The following ADGRF1 variants were observed in gnomAD, a reference collection of about 807,000 sequenced individuals.
The protein encoded by ADGRF1 is adhesion G protein-coupled receptor F1.
Under a neutral mutation model 87.2 loss-of-function variants are expected in ADGRF1, and 85 were observed. The observed-to-expected ratio is 0.97, with a 90% CI of 0.82 to 1.17. The LOEUF is 1.17. Among genes scored for constraint, ADGRF1 ranks in the 50% most tolerant of loss-of-function variants. The pLI, the probability that ADGRF1 is intolerant of heterozygous loss-of-function variation, is 0.00. For synonymous variants in ADGRF1, 430 were observed against 408.8 expected (o/e 1.05, Z -0.63); for missense variants, 1,169 against 1,077.2 (o/e 1.09, Z -1.19).
chr6:47,020,059 A>G (rs1403607359), intron 7 of ADGRF1: 12 of 999,034 alleles, frequency 1.2e-5, no homozygotes, highest in African/African-American at 1.7e-5. Context: ...CCCTTCGACA[A>G]CCCGCAACCC....
chr6:47,007,220 C>G (rs762077414), intron 12 of ADGRF1, 33 bp downstream of exon 12: 7 of 1,440,956 alleles, frequency 4.9e-6, no homozygotes, highest in Non-Finnish European at 6.8e-6. Context: ...GATGTCTAGG[C>G]TAGGGGTTAA....
rs557559127 is a variant in ADGRF1 at position 47,022,812 on chromosome 6, T to C, written c.452-754A>G. On this transcript the variant is annotated intron_variant, in intron 5 of 14. Coordinates refer to ENST00000371253, the MANE Select transcript of ADGRF1 (RefSeq NM_153840.4). Reference sequence around the variant, plus strand: ...TCTTTCTTTTCTTTTTTCTTTTTTTTTTTTTTTTTTTAGTCAGGGTCTCAC... The same window carrying C: ...TCTTTCTTTTCTTTTTTCTTTTTTTCTTTTTTTTTTTAGTCAGGGTCTCAC... Among the ~76,000 whole-genome samples the C allele has an allele frequency of 8.9e-4, 132 of 149,010 alleles. 6 individuals are homozygous for C. The South Asian group carries it at 0.025, about 28-fold the overall frequency.
At chr6:47,003,508 T>C (rs1446539959) in intron 13 of ADGRF1, among the ~76,000 whole-genome samples, 3 of 152,194 alleles carry the variant, frequency 2.0e-5, no homozygotes, top group African/African-American at 7.2e-5. Context: ...ATCTCTTGCA[T>C]CAAAGGGCTT....
chr6:47,007,978 A>G lies in ADGRF1; in HGVS notation c.2491-684T>C, dbSNP rs113716998. On this transcript the variant is annotated intron_variant, in intron 11 of 14. Coordinates refer to ENST00000371253, the MANE Select transcript of ADGRF1 (RefSeq NM_153840.4). ...GAGAACCAACTTTTAGGAAACATCT[A>G]TTGAGCATTTGTTATGTGCCAGACA... is the stretch of plus-strand genomic sequence containing the variant. Among the ~76,000 whole-genome samples the G allele has an allele frequency of 9.0e-3, 1,370 of 152,322 alleles. 21 individuals carry two copies. The highest frequency in any genetic ancestry group is 0.031 in the African/African-American group (1,284 of 41,570).
chr6:47,039,200 A>G (rs577141966), intron 1 of ADGRF1, among the ~76,000 whole-genome samples: 1 of 152,304 alleles, frequency 6.6e-6, no homozygotes, highest in South Asian at 2.1e-4. Flanking sequence ...ACCTCTGGAG[A>G]TTAAAAACTG....
rs539607441 is a variant in ADGRF1 at position 47,007,380 on chromosome 6, C to A, written c.2491-86G>T. The A allele has an allele frequency of 2.1e-5, 16 of 764,476 alleles. No individual in the cohort carries two copies. The African/African-American group carries it at 2.6e-4, about 13-fold the overall frequency. The allele number at this position is 764,476 out of a possible 1,614,324, so 47.4% of individuals were successfully genotyped here. A position where few individuals can be genotyped will look rare whatever the true frequency, so the allele number is the denominator to read the frequency against. ...TTTATATGTAACACTATTCAATCAC[C>A]CCACATTGAAACTGTTTTCTTGTCT... On this transcript the variant is annotated intron_variant, in intron 11 of 14. Transcript: ENST00000371253.
rs1271681219 is a variant in ADGRF1, at chr6:47,009,429, A to C, written c.2006T>G (p.Leu669Arg). 1 of 1,613,896 alleles carries C rather than the reference A, an allele frequency of 6.2e-7. No homozygotes were observed. The highest frequency in any genetic ancestry group is 1.1e-5 in the South Asian group (1 of 91,022). The stretch of plus-strand genomic sequence containing the variant: ...CATGAGCATCCAGAAGAACAAAGAG[A>C]GGTAGAAGAAGTGTGTAAAGAACAC... ...AAVFFTHFFY[L>R]SLFFWMLMLG... The change falls in exon 11 of 15, where the codon CTC becomes CGC. Residue 669 changes from leucine (L) to arginine (R), a missense_variant. Physicochemically the swap from Leu to Arg is moderately radical, Grantham distance 102. Transcript: ENST00000371253.
At chr6:47,019,548 G>T (rs534401322) in intron 7 of ADGRF1, 1 of 273,042 alleles carries the variant, frequency 3.7e-6, no homozygotes, top group East Asian at 1.8e-4. Flanking sequence ...GCCAGGCGTG[G>T]TGGCACATGC....
chr6:47,024,213 G>T lies in ADGRF1; in HGVS notation c.282C>A (p.Cys94Ter). 1.2e-6 allele frequency: 2 copies of T among 1,612,474 alleles called. No individual in the cohort carries two copies. Among genetic ancestry groups the T allele is most frequent in the South Asian group, 1.1e-5 (1 of 90,914 alleles). The change falls in exon 5 of 15, where the codon TGC (cysteine) becomes TGA (stop). Residue 94 changes from cysteine to a stop codon, truncating the protein, a stop_gained. Coordinates refer to ENST00000371253, the MANE Select transcript of ADGRF1 (RefSeq NM_153840.4). LOFTEE classifies it high-confidence loss of function. ...ACTGCAGGACTCCATTCAGGCTGTT[G>T]CAGTCTGCACAAGAAATAGAACTCA... ...RIIRAKATTD[C>*]NSLNGVLQCT... is the part of the protein sequence containing the mutation.
intron 11 of ADGRF1, among the ~76,000 whole-genome samples, chr6:47,007,576 C>T (rs541098954): frequency 6.6e-6 from 1 of 152,218 alleles, no homozygotes; most frequent in Non-Finnish European, 1.5e-5. Context: ...ATCGTACCAT[C>T]CCAACCCAAA....
At chr6:47,027,092 AT>A (rs2113900881) in intron 3 of ADGRF1, among the ~76,000 whole-genome samples, 1 of 152,302 alleles carries the variant, frequency 6.6e-6, no homozygotes, top group South Asian at 2.1e-4. Context: ...TGCACTTCAA[AT>A]AGTCCTGCCA....
Position 47,016,730 on chromosome 6 carries a change from G to A in ADGRF1, c.650C>T (p.Ser217Phe). The change falls in exon 8 of 15, where the codon TCC becomes TTC. Residue 217 changes from serine (S) to phenylalanine (F), a missense_variant. Transcript: ENST00000371253. ...SIVAGYEVVG[S>F]SSASELLSAI... ...TGACAGCAGTTCAGATGCACTGCTG[G>A]AGCCAACAACTTCATACCCAGCAAC... The A allele has an allele frequency of 6.2e-7, 1 of 1,603,738 alleles. No individual in the cohort carries two copies. Among genetic ancestry groups the A allele is most frequent in the East Asian group, 2.2e-5 (1 of 44,594 alleles).
chr6:47,019,155 T>C, intron 7 of ADGRF1: 1 of 433,806 alleles, frequency 2.3e-6, no homozygotes, highest in Non-Finnish European at 3.1e-6. Context: ...GGTCTGCAGA[T>C]TATTGGAGAC....
rs1440291304 is a variant in ADGRF1 at position 46,998,705 on chromosome 6, C to T, written c.*1517G>A. The T allele has an allele frequency of 6.6e-6, 1 of 152,238 alleles. No individual in the cohort carries two copies. Among genetic ancestry groups the T allele is most frequent in the Non-Finnish European group, 1.5e-5 (1 of 68,046 alleles). 9.4% of individuals were successfully genotyped at this position (152,238 alleles called of 1,614,324 possible). ...TTGAGGTCAAGGAGCAGACATTCCT[C>T]CTTCTCTCACTTTTGTGGGTAGGTA... On this transcript the variant is annotated 3_prime_UTR_variant, in exon 15 of 15. Coordinates refer to ENST00000371253, the MANE Select transcript of ADGRF1 (RefSeq NM_153840.4).
chr6:47,000,412 C>A, intron 14 of ADGRF1, 117 bp from the exon 15 acceptor site: 1 of 705,336 alleles, frequency 1.4e-6, no homozygotes, highest in Non-Finnish European at 2.3e-6. Context: ...TTAAAAGATT[C>A]TAGGTAAAGA....
chr6:47,024,431 C>T (rs1472402189), intron 4 of ADGRF1: 6 of 444,286 alleles, frequency 1.4e-5, no homozygotes, highest in African/African-American at 3.9e-5. Context: ...TCTTGTGCGT[C>T]AGCCACCTGA....
chr6:47,013,710 T>C (rs910554972), intron 9 of ADGRF1: 2 of 954,804 alleles, frequency 2.1e-6, no homozygotes, highest in African/African-American at 1.8e-5. Context: ...TGTCGAGTTA[T>C]AATTCCCAAT....
At position 47,014,259 on chromosome 6, in the gene ADGRF1, C is replaced by T. The variant is rs111296416; in HGVS notation, c.927+422G>A. On this transcript the variant is annotated intron_variant, in intron 9 of 14. Coordinates refer to ENST00000371253, the MANE Select transcript of ADGRF1 (RefSeq NM_153840.4). ...TTTATATGGTTCACCTTTGTCTGAC[C>T]CACTCCTTGCCCTAATTTCTGGTAT... The T allele has an allele frequency of 1.3e-3, 1,263 of 986,914 alleles. 13 individuals carry two copies. In the African/African-American group the frequency reaches 0.02, roughly 16 times the overall value. The allele number at this position is 986,914 out of a possible 1,614,324, so 61.1% of individuals were successfully genotyped here.
chr6:47,012,266 C>T, intron 9 of ADGRF1, 71 bp from the exon 10 acceptor site: 2 of 1,569,728 alleles, frequency 1.3e-6, no homozygotes, highest in Non-Finnish European at 1.7e-6. Flanking sequence ...AATCAGATGT[C>T]TTGGCCATAT....
Sources: gnomAD v4.1 joint callset for allele counts (sites outside exome capture counted in the v4.1 genomes callset) on GRCh38, gnomAD v4.1.1 for gene constraint, MANE v1.5 for transcripts, NCBI Gene and HGNC (gene_info 2026-07-23, HGNC 2026-07-21) for gene names.